Variants in SOX5 observed in about 807,000 individuals in gnomAD.
SOX5 encodes SRY-box transcription factor 5.
A neutral mutation model predicts 92.0 loss-of-function variants in SOX5; 9 were observed. The observed-to-expected ratio is 0.10, with a 90% CI of 0.06 to 0.17. The LOEUF (loss-of-function observed/expected upper bound fraction) is 0.17, where lower values mean the gene tolerates loss of function less well. Among genes scored for constraint, SOX5 ranks in the 10% least tolerant of loss-of-function variants. SOX5 has a pLI of 1.00. For synonymous variants in SOX5, 344 were observed against 336.3 expected (o/e 1.02, Z -0.25); for missense variants, 642 against 944.5 (o/e 0.68, Z 4.20).
intron 3 of SOX5, among the ~76,000 whole-genome samples, chr12:23,837,236 T>TTATATAA (rs543304051): frequency 2.5e-5 from 2 of 81,186 alleles, no homozygotes; most frequent in Non-Finnish European, 6.2e-5. Flanking sequence ...TAATATATAT[T>TTATATAA]TATATAATAT....
intron 7 of SOX5, among the ~76,000 whole-genome samples, chr12:23,654,151 A>T (rs2082022933): frequency 6.6e-6 from 1 of 152,134 alleles, no homozygotes; most frequent in Admixed American, 6.6e-5. Context: ...GAAAGGAAGA[A>T]CAGATAATGA....
intron 3 of SOX5, among the ~76,000 whole-genome samples, chr12:23,767,841 AT>A (rs1594218015): frequency 2.2e-5 from 3 of 135,188 alleles, no homozygotes; most frequent in African/African-American, 8.1e-5. Flanking sequence ...ATATATATAT[AT>A]AATAAATGAT....
At chr12:24,131,472 T>A (rs999802064) in intron 4 of SOX5, among the ~76,000 whole-genome samples, 1 of 152,220 alleles carries the variant, frequency 6.6e-6, no homozygotes, top group Non-Finnish European at 1.5e-5. Context: ...AAAGGCCCAA[T>A]GATTGTTCAT....
intron 8 of SOX5, among the ~76,000 whole-genome samples, chr12:23,633,712 T>G (rs2078853024): frequency 6.6e-6 from 1 of 152,100 alleles, no homozygotes; most frequent in Admixed American, 6.6e-5. Flanking sequence ...ATCCTTCCAT[T>G]ATTTAGAAAT....
intron 3 of SOX5, among the ~76,000 whole-genome samples, chr12:23,840,570 A>G (rs2096499791): frequency 6.6e-6 from 1 of 152,146 alleles, no homozygotes; most frequent in African/African-American, 2.4e-5. Context: ...GACACTACCC[A>G]ACTTCAAGAC....
chr12:23,738,401 G>A (rs969780071), intron 5 of SOX5: 1 of 152,182 alleles, frequency 6.6e-6, no homozygotes, highest in Admixed American at 6.5e-5. Context: ...ATGTATGGTA[G>A]AGAAGCGCTG....
intron 2 of SOX5, among the ~76,000 whole-genome samples, chr12:23,850,976 A>C (rs2096627246): frequency 6.6e-6 from 1 of 152,172 alleles, no homozygotes; most frequent in African/African-American, 2.4e-5. Flanking sequence ...CATGGATTCC[A>C]GGTTAAGGAA....
intron 1 of SOX5, among the ~76,000 whole-genome samples, chr12:24,460,073 C>G (rs1288532403): frequency 6.6e-6 from 1 of 152,154 alleles, no homozygotes; most frequent in African/African-American, 2.4e-5. Context: ...ATCTCCAAAG[C>G]CTATCTGTAT....
At chr12:23,971,594 G>A (rs1948350880) in intron 4 of SOX5, among the ~76,000 whole-genome samples, 2 of 150,992 alleles carry the variant, frequency 1.3e-5, no homozygotes, top group African/African-American at 2.4e-5. Context: ...GAAGGCAATA[G>A]CTTCATACTT....
intron 11 of SOX5, among the ~76,000 whole-genome samples, chr12:23,562,936 C>T (rs1365076492): frequency 6.6e-6 from 1 of 152,150 alleles, no homozygotes; most frequent in South Asian, 2.1e-4. Flanking sequence ...TCCCCAAATA[C>T]AAGTTAAGCA....
At chr12:23,876,560 G>A (rs2096929046) in intron 2 of SOX5, among the ~76,000 whole-genome samples, 2 of 152,214 alleles carry the variant, frequency 1.3e-5, no homozygotes, top group Admixed American at 1.3e-4. Flanking sequence ...CATTGTGGAA[G>A]ACAGTGTGGC....
chr12:24,137,460 G>A (rs1053229889), intron 4 of SOX5, among the ~76,000 whole-genome samples: 9 of 152,062 alleles, frequency 5.9e-5, no homozygotes, highest in South Asian at 2.1e-4. Flanking sequence ...ATGAAACCCC[G>A]TCTCTATTTA....
chr12:23,579,502 C>A (rs1017190512), intron 9 of SOX5, among the ~76,000 whole-genome samples: 1 of 151,946 alleles, frequency 6.6e-6, no homozygotes, highest in Non-Finnish European at 1.5e-5. Context: ...ATACCAAATG[C>A]CTATTATTTA....
intron 4 of SOX5, among the ~76,000 whole-genome samples, chr12:24,042,653 C>T (rs11047225): frequency 0.4 from 61,077 of 151,924 alleles, 12,647 homozygotes; most frequent in Middle Eastern, 0.48. Context: ...CACAGTTTAG[C>T]TGTATGTGGC....
intron 3 of SOX5, among the ~76,000 whole-genome samples, chr12:23,776,198 CT>C (rs1567667950): frequency 6.6e-6 from 1 of 152,056 alleles, no homozygotes; most frequent in South Asian, 2.1e-4. Flanking sequence ...AAAACATTAT[CT>C]TTTTTTGACC....
At chr12:24,252,626 T>C (rs1940330803) in intron 3 of SOX5, among the ~76,000 whole-genome samples, 1 of 152,006 alleles carries the variant, frequency 6.6e-6, no homozygotes, top group South Asian at 2.1e-4. Flanking sequence ...TCTGCAAGAT[T>C]TGGCTTTTGG....
At chr12:24,071,166 C>T (rs1941714566) in intron 4 of SOX5, among the ~76,000 whole-genome samples, 1 of 152,158 alleles carries the variant, frequency 6.6e-6, no homozygotes, top group Non-Finnish European at 1.5e-5. Context: ...ATTAGTTATG[C>T]TATATTTATA....
intron 6 of SOX5, among the ~76,000 whole-genome samples, chr12:23,681,423 G>A (rs1360626461): frequency 6.6e-6 from 1 of 151,846 alleles, no homozygotes; most frequent in Admixed American, 6.6e-5. Context: ...ATAAATATAA[G>A]TGGAGTAAGC....
intron 1 of SOX5, among the ~76,000 whole-genome samples, chr12:24,561,490 C>A (rs971340368): frequency 6.6e-6 from 1 of 152,176 alleles, no homozygotes; most frequent in Non-Finnish European, 1.5e-5. Context: ...ATTTCCAAAT[C>A]CAATTTGATT....
Sources: gnomAD v4.1 joint callset for allele counts (sites outside exome capture counted in the v4.1 genomes callset) on GRCh38, gnomAD v4.1.1 for gene constraint, MANE v1.5 for transcripts, NCBI Gene and HGNC (gene_info 2026-07-23, HGNC 2026-07-21) for gene names.